The following FHIT variants were observed in gnomAD, a reference collection of about 807,000 sequenced individuals.
The protein encoded by FHIT is fragile histidine triad diadenosine triphosphatase, also known as bis(5'-adenosyl)-triphosphatase.
A neutral mutation model predicts 17.9 loss-of-function variants in FHIT; 19 were observed. The observed-to-expected ratio is 1.06, with a 90% CI of 0.74 to 1.56. The LOEUF (loss-of-function observed/expected upper bound fraction) is 1.56. Ranked by LOEUF, FHIT falls within the 40% of genes most tolerant of loss-of-function variation. FHIT has a pLI of 0.00. For missense variants in FHIT, 248 were observed against 189.2 expected (o/e 1.31, Z -1.82); for synonymous variants, 81 against 69.7 (o/e 1.16, Z -0.81).
chr3:60,125,306 C>G (rs1299011958), intron 5 of FHIT, among the ~76,000 whole-genome samples: 4 of 152,100 alleles, frequency 2.6e-5, no homozygotes, highest in African/African-American at 7.2e-5. Context: ...TAAAGCCTAC[C>G]TTAGAGGGAA....
intron 4 of FHIT, among the ~76,000 whole-genome samples, chr3:60,622,039 A>G (rs1444104830): frequency 3.3e-5 from 5 of 152,132 alleles, no homozygotes; most frequent in African/African-American, 1.2e-4. Flanking sequence ...AAACATAGGA[A>G]TTGTTATCCC....
At chr3:60,252,509 C>G (rs1383876741) in intron 5 of FHIT, among the ~76,000 whole-genome samples, 1 of 151,878 alleles carries the variant, frequency 6.6e-6, no homozygotes, top group Non-Finnish European at 1.5e-5. Flanking sequence ...GGCTGCACTG[C>G]GGCATGATCA....
intron 3 of FHIT, among the ~76,000 whole-genome samples, chr3:60,974,590 G>A (rs762248865): frequency 3.3e-5 from 5 of 152,234 alleles, no homozygotes; most frequent in Non-Finnish European, 7.4e-5. Flanking sequence ...CAGTTTATTA[G>A]GACTGGGTTT....
At chr3:60,036,367 C>T (rs1415773508) in intron 5 of FHIT, among the ~76,000 whole-genome samples, 1 of 152,078 alleles carries the variant, frequency 6.6e-6, no homozygotes, top group Non-Finnish European at 1.5e-5. Flanking sequence ...ATAAGACTCT[C>T]ATGACTCTCT....
chr3:60,159,025 T>C (rs2107357541), intron 5 of FHIT, among the ~76,000 whole-genome samples: 1 of 152,294 alleles, frequency 6.6e-6, no homozygotes, highest in South Asian at 2.1e-4. Context: ...TACTAATGTT[T>C]GCTAACCTTT....
At chr3:61,003,032 T>C (rs2107607164) in intron 3 of FHIT, among the ~76,000 whole-genome samples, 1 of 152,346 alleles carries the variant, frequency 6.6e-6, no homozygotes, top group African/African-American at 2.4e-5. Context: ...GTTTTTGTTG[T>C]AGTTCGTGCC....
chr3:60,205,658 T>A (rs1264092106), intron 5 of FHIT, among the ~76,000 whole-genome samples: 1 of 152,144 alleles, frequency 6.6e-6, no homozygotes, highest in African/African-American at 2.4e-5. Context: ...AATGGGATAG[T>A]ACCGAGTGAA....
At chr3:60,513,228 T>C (rs2035015840) in intron 5 of FHIT, among the ~76,000 whole-genome samples, 1 of 152,214 alleles carries the variant, frequency 6.6e-6, no homozygotes, top group Non-Finnish European at 1.5e-5. Flanking sequence ...TGAATCTCAA[T>C]GAGAGATAAA....
Position 60,368,283 on chromosome 3 carries a change from T to C in FHIT, c.103+168577A>G, listed in dbSNP as rs532553883. ...CCCACTAGCTATGTTTATGCATTTC[T>C]GTTATTCCATCATCTTATTCACTGG... On this transcript the variant is annotated intron_variant, in intron 5 of 9. Transcript: ENST00000492590. Among the ~76,000 whole-genome samples, 46 of 152,172 alleles carry C rather than the reference T, an allele frequency of 3.0e-4. No individual in the cohort carries two copies. The South Asian group carries it at 9.1e-3, about 30-fold the overall frequency.
chr3:60,808,409 G>A (rs1460733892), intron 4 of FHIT, among the ~76,000 whole-genome samples: 2 of 152,078 alleles, frequency 1.3e-5, no homozygotes, highest in Non-Finnish European at 2.9e-5. Context: ...TTTGAGATGT[G>A]TAGTCTGGAA....
chr3:60,413,069 A>C lies in FHIT; in HGVS notation c.103+123791T>G, dbSNP rs140004233. 2.2e-3 allele frequency among the ~76,000 whole-genome samples: 328 copies of C among 152,268 alleles called. 1 individual carries two copies. Among genetic ancestry groups the C allele is most frequent in the African/African-American group, 7.7e-3 (319 of 41,544 alleles). ...TCGGGCAGTTCTTCATAGCAGTGTG[A>C]AAATGGACTAACACACAAACCTAGA... On this transcript the variant is annotated intron_variant, in intron 5 of 9. Transcript: ENST00000492590.
At chr3:60,198,995 C>A (rs1702772289) in intron 5 of FHIT, among the ~76,000 whole-genome samples, 1 of 152,184 alleles carries the variant, frequency 6.6e-6, no homozygotes, top group Non-Finnish European at 1.5e-5. Context: ...TTACTCCTTT[C>A]TGTAGTCAGG....
At chr3:59,999,811 T>A (rs2107496921) in intron 7 of FHIT, among the ~76,000 whole-genome samples, 1 of 152,218 alleles carries the variant, frequency 6.6e-6, no homozygotes, top group African/African-American at 2.4e-5. Context: ...TTTCACCATG[T>A]TGGACAGGCT....
intron 4 of FHIT, among the ~76,000 whole-genome samples, chr3:60,580,070 G>A (rs2037703484): frequency 6.6e-6 from 1 of 152,126 alleles, no homozygotes; most frequent in South Asian, 2.1e-4. Context: ...CATTGGTGAT[G>A]AATAAAATTC....
chr3:59,945,856 C>T (rs1706775827), intron 7 of FHIT, among the ~76,000 whole-genome samples: 1 of 152,110 alleles, frequency 6.6e-6, no homozygotes, highest in South Asian at 2.1e-4. Context: ...AGCTTTATTT[C>T]TGGGCTCTCT....
intron 1 of FHIT, among the ~76,000 whole-genome samples, chr3:61,228,778 A>G (rs1352997256): frequency 6.6e-6 from 1 of 152,224 alleles, no homozygotes; most frequent in Non-Finnish European, 1.5e-5. Context: ...ACTTCACATA[A>G]GAAACCTGGG....
chr3:61,006,325 A>C (rs1448216177), intron 3 of FHIT, among the ~76,000 whole-genome samples: 1 of 152,204 alleles, frequency 6.6e-6, no homozygotes, highest in Non-Finnish European at 1.5e-5. Flanking sequence ...TCCTTTTATC[A>C]TTTGAACGCA....
intron 8 of FHIT, among the ~76,000 whole-genome samples, chr3:59,766,816 G>C (rs979779533): frequency 1.3e-5 from 2 of 152,156 alleles, no homozygotes; most frequent in African/African-American, 4.8e-5. Context: ...ACAAGACGTT[G>C]AAAGAAGTAA....
chr3:60,609,230 T>C (rs1023980124), intron 4 of FHIT, among the ~76,000 whole-genome samples: 2 of 152,164 alleles, frequency 1.3e-5, no homozygotes, highest in Non-Finnish European at 2.9e-5. Flanking sequence ...GGCATAAGTA[T>C]GTCCATCCAA....
Sources: gnomAD v4.1 joint callset for allele counts (sites outside exome capture counted in the v4.1 genomes callset) on GRCh38, gnomAD v4.1.1 for gene constraint, MANE v1.5 for transcripts, NCBI Gene and HGNC (gene_info 2026-07-23, HGNC 2026-07-21) for gene names.